The following TIMM23 variants were observed in gnomAD, a reference collection of about 807,000 sequenced individuals.
TIMM23 encodes mitochondrial import inner membrane translocase subunit Tim23.
TIMM23 carries 19 observed loss-of-function variants against 30.7 expected under a neutral mutation model. That is an observed-to-expected ratio of 0.62 (90% confidence interval 0.43 to 0.91). TIMM23 has a LOEUF of 0.91. TIMM23 is among the 40% of genes least tolerant of loss of function. The probability of loss-of-function intolerance (pLI) is 0.00; values close to 1 mark genes in which losing one functional copy is unlikely to be tolerated. For missense variants in TIMM23, 202 were observed against 269.2 expected, an observed-to-expected ratio of 0.75 and a Z score of 1.75; for synonymous variants, 78 against 98.5, an observed-to-expected ratio of 0.79 and a Z score of 1.23.
intron 5 of TIMM23, among the ~76,000 whole-genome samples, chr10:45,986,599 G>A (rs1282561655): frequency 2.6e-5 from 4 of 152,140 alleles, no homozygotes; most frequent in Admixed American, 6.5e-5. Context: ...AAGGCTGAGC[G>A]CGGTGTATTG....
At chr10:45,979,200 A>G (rs1264245427) in intron 2 of TIMM23, among the ~76,000 whole-genome samples, 1 of 152,236 alleles carries the variant, frequency 6.6e-6, no homozygotes, top group Admixed American at 6.5e-5. Flanking sequence ...AATTTATTGT[A>G]GTCTTGGTTG....
intron 6 of TIMM23, among the ~76,000 whole-genome samples, chr10:45,996,399 T>G (rs1838333284): frequency 6.7e-6 from 1 of 149,578 alleles, no homozygotes; most frequent in African/African-American, 2.6e-5. Flanking sequence ...GAAATATTCG[T>G]CACTAGCTGT....
chr10:45,981,723 T>C (rs1224903317), intron 2 of TIMM23, among the ~76,000 whole-genome samples: 1 of 152,196 alleles, frequency 6.6e-6, no homozygotes, highest in Non-Finnish European at 1.5e-5. Context: ...TTGCCAAGGG[T>C]GTGACCTAGC....
intron 6 of TIMM23, among the ~76,000 whole-genome samples, chr10:45,993,019 T>G (rs1351778323): frequency 1.3e-5 from 2 of 152,132 alleles, no homozygotes; most frequent in Non-Finnish European, 2.9e-5. Context: ...GATACCTACC[T>G]CAAATGCTGC....
chr10:45,972,840 C>T lies in TIMM23; in HGVS notation c.106+110C>T, dbSNP rs1422946986. On this transcript the variant is annotated intron_variant, in intron 1 of 6. Coordinates refer to ENST00000580018, the MANE Select transcript of TIMM23 (RefSeq NM_006327.4). The stretch of plus-strand genomic sequence containing the variant: ...TTTTTTTTTTCCTTGCTGGCATTTA[C>T]AAGCTTAAGTACCAGTGGTGGGGTT... 3.2e-6 allele frequency: 5 copies of T among 1,540,394 alleles called. No individual in the cohort carries two copies. In the African/African-American group the frequency reaches 5.6e-5, roughly 17 times the overall value.
At chr10:45,987,771 A>AT (rs1838036366) in intron 5 of TIMM23, among the ~76,000 whole-genome samples, 1 of 151,716 alleles carries the variant, frequency 6.6e-6, no homozygotes, top group Non-Finnish European at 1.5e-5. Flanking sequence ...ATGCACCACC[A>AT]TACCAACTAA....
At chr10:45,980,330 T>C (rs1837805007) in intron 2 of TIMM23, among the ~76,000 whole-genome samples, 2 of 151,352 alleles carry the variant, frequency 1.3e-5, no homozygotes, top group African/African-American at 4.9e-5. Context: ...AACTCCTGGG[T>C]TCAAGCAGTC....
chr10:46,000,525 G>GT (rs1554917524), intron 6 of TIMM23, among the ~76,000 whole-genome samples: 1 of 152,166 alleles, frequency 6.6e-6, no homozygotes, highest in Admixed American at 6.5e-5. Flanking sequence ...CAGCCCCCAA[G>GT]TATCTTAAAG....
At chr10:46,000,005 T>C (rs1267833038) in intron 6 of TIMM23, among the ~76,000 whole-genome samples, 1 of 152,126 alleles carries the variant, frequency 6.6e-6, no homozygotes, top group Admixed American at 6.5e-5. Flanking sequence ...GCGGTCAAAG[T>C]TTAAGGTTAT....
At position 46,003,330 on chromosome 10, in the gene TIMM23, A is replaced by G. The variant is rs1371593923; in HGVS notation, c.*12A>G. 2.5e-6 allele frequency: 4 copies of G among 1,591,238 alleles called. No individual in the cohort carries two copies. Among genetic ancestry groups the G allele is most frequent in the Middle Eastern group, 1.7e-4 (1 of 6,000 alleles). On this transcript the variant is annotated 3_prime_UTR_variant, in exon 7 of 7. Coordinates refer to ENST00000580018, the MANE Select transcript of TIMM23 (RefSeq NM_006327.4). ...AACAGTCACTCTGAAGATTTTGCCA[A>G]CTCATGAATGGAGGACACTTCAGTA...
intron 6 of TIMM23, among the ~76,000 whole-genome samples, chr10:46,002,652 C>A (rs1246539286): frequency 6.6e-6 from 1 of 151,930 alleles, no homozygotes; most frequent in South Asian, 2.1e-4. Flanking sequence ...CCGTAATAAA[C>A]TGCCATAGGA....
Position 45,975,460 on chromosome 10 carries a change from G to A in TIMM23, c.113G>A (p.Gly38Asp). 1 of 1,613,694 alleles carries A rather than the reference G, an allele frequency of 6.2e-7. No individual in the cohort carries two copies. The highest frequency in any genetic ancestry group is 8.5e-7 in the Non-Finnish European group (1 of 1,179,786). The change falls in exon 2 of 7, where the codon GGT (glycine) becomes GAT (aspartate). Residue 38 changes from glycine (G) to aspartate (D), a missense_variant. Gly to Asp is a moderately conservative substitution (Grantham distance 94, BLOSUM62 -1). Transcript: ENST00000580018. The part of the protein sequence containing the change: ...HADLAGVPLT[G>D]MNPLSPYLNV... The stretch of plus-strand genomic sequence containing the variant: ...CATTTTGTTTTCTCTCTAGTAACTG[G>A]TATGAACCCTCTGTCTCCTTATTTA...
At chr10:45,982,428 T>G (rs1837876535) in intron 2 of TIMM23, 95 bp from the exon 3 acceptor site, 2 of 1,314,840 alleles carry the variant, frequency 1.5e-6, no homozygotes, top group East Asian at 2.3e-5. Flanking sequence ...AGGTTTATTT[T>G]CTGTGAAAAA....
chr10:45,999,377 T>G (rs912269945), intron 6 of TIMM23, among the ~76,000 whole-genome samples: 1 of 152,114 alleles, frequency 6.6e-6, no homozygotes, highest in Non-Finnish European at 1.5e-5. Context: ...TTCTTTTCTA[T>G]TTTCCTTAAG....
At chr10:45,975,558 A>T (rs4962276) in intron 2 of TIMM23, 46 bp downstream of exon 2, 11 of 1,609,932 alleles carry the variant, frequency 6.8e-6, no homozygotes, top group African/African-American at 4.0e-5. Flanking sequence ...TTACCATTTT[A>T]AAAAAAACGC....
intron 2 of TIMM23, among the ~76,000 whole-genome samples, chr10:45,978,625 A>G (rs1837747642): frequency 6.6e-6 from 1 of 152,202 alleles, no homozygotes; most frequent in Non-Finnish European, 1.5e-5. Flanking sequence ...CACTATAATC[A>G]AAAAGAAAAT....
rs1236752135 is a variant in TIMM23 at position 45,972,543 on chromosome 10, C to T, written c.-82C>T. ...GTAGGCGCTGGCAACGCGGGGTTAC[C>T]CGCTGTTATTGAGGAGTAACGGCCC... is the stretch of plus-strand genomic sequence containing the variant. On this transcript the variant is annotated 5_prime_UTR_variant, in exon 1 of 7. Coordinates refer to ENST00000580018, the MANE Select transcript of TIMM23 (RefSeq NM_006327.4). The T allele has an allele frequency of 4.3e-5, 66 of 1,519,846 alleles. No individual in the cohort carries two copies. Among genetic ancestry groups the T allele is most frequent in the Non-Finnish European group, 4.0e-5 (45 of 1,129,610 alleles). 94.1% of individuals were successfully genotyped at this position (1,519,846 alleles called of 1,614,324 possible).
Position 45,982,610 on chromosome 10 carries a change from A to G in TIMM23, c.253A>G (p.Met85Val). 3 of 1,613,940 alleles carry G rather than the reference A, an allele frequency of 1.9e-6. No homozygotes were observed. The highest frequency in any genetic ancestry group is 1.1e-5 in the South Asian group (1 of 91,076). Residue 85 changes from methionine to valine, a missense_variant, in exon 3 of 7, where the codon ATG becomes GTG. Transcript: ENST00000580018. ...CTTCTTTACGATTGGAGGATGTTGC[A>G]TGACAGGTGAGTGTTACATACTTTT... is the stretch of plus-strand genomic sequence containing the variant. ...LAFFTIGGCC[M>V]TGAAFGAMNG...
rs200246530 is a variant in TIMM23, at chr10:45,990,603, A to T, written c.514+1756A>T. The T allele has an allele frequency of 1.7e-3, 625 of 370,842 alleles. 10 individuals are homozygous for T. In the East Asian group the frequency reaches 0.04, roughly 24 times the overall value. 23.0% of individuals were successfully genotyped at this position (370,842 alleles called of 1,614,324 possible). A position where few individuals can be genotyped will look rare whatever the true frequency, so the allele number is the denominator to read the frequency against. On this transcript the variant is annotated intron_variant, in intron 6 of 6. Transcript: ENST00000580018. ...CAGCTAATTATTTTTTTTTTTCTTT[A>T]TCGGAGATGGGGTCTCACTGTGTTG...
Sources: gnomAD v4.1 joint callset for allele counts (sites outside exome capture counted in the v4.1 genomes callset) on GRCh38, gnomAD v4.1.1 for gene constraint, MANE v1.5 for transcripts, NCBI Gene and HGNC (gene_info 2026-07-23, HGNC 2026-07-21) for gene names.